The following ITGA9 variants were observed in gnomAD, a reference collection of about 807,000 sequenced individuals.
ITGA9 encodes integrin subunit alpha 9.
Under a neutral mutation model 127.8 loss-of-function variants are expected in ITGA9, and 56 were observed. The observed-to-expected ratio is 0.44, with a 90% CI of 0.35 to 0.55. The LOEUF (loss-of-function observed/expected upper bound fraction) is 0.55. Ranked by LOEUF, ITGA9 falls within the 20% of genes least tolerant of loss-of-function variation. ITGA9 has a pLI of 0.00. For synonymous variants in ITGA9, 508 were observed against 514.5 expected (o/e 0.99, Z 0.17); for missense variants, 1,196 against 1,347.1 (o/e 0.89, Z 1.76).
chr3:37,663,790 C>T (rs1009912919), intron 17 of ITGA9, among the ~76,000 whole-genome samples: 1 of 152,182 alleles, frequency 6.6e-6, no homozygotes, highest in Non-Finnish European at 1.5e-5. Context: ...AGTATCTTAC[C>T]AGCTGCATAA....
rs777429459 is a variant in ITGA9 at position 37,741,738 on chromosome 3, C to T, written c.2243C>T (p.Thr748Met). Residue 748 changes from threonine (T) to methionine (M), a missense_variant, in exon 21 of 28, where the codon ACG becomes ATG. Transcript: ENST00000264741. ...SFIVTAQSGN[T>M]ERSESLHDNT... ...CTCCTCTCTCTGCACAGTGGCAACA[C>T]GGAGCGCTCTGAATCCCTGCATGAC... is the stretch of plus-strand genomic sequence containing the variant. 39 of 1,613,300 alleles carry T rather than the reference C, an allele frequency of 2.4e-5. No individual in the cohort carries two copies. Among genetic ancestry groups the T allele is most frequent in the East Asian group, 6.7e-5 (3 of 44,876 alleles).
rs1699090890 is a variant in ITGA9, at chr3:37,526,132, C to T, written c.1373+61C>T. ...GTTCAGGGTGAGGGATGGAGCCATT[C>T]ACCATTCATGGGCTCTTTCCTCTGT... On this transcript the variant is annotated intron_variant, in intron 13 of 27. Coordinates refer to ENST00000264741, the MANE Select transcript of ITGA9 (RefSeq NM_002207.3). The T allele has an allele frequency of 2.9e-6, 4 of 1,400,736 alleles. No homozygotes were observed. The African/African-American group carries it at 4.2e-5, about 15-fold the overall frequency. 86.8% of individuals were successfully genotyped at this position (1,400,736 alleles called of 1,614,324 possible).
chr3:37,453,462 G>A (rs1232658102), intron 1 of ITGA9, among the ~76,000 whole-genome samples: 1 of 152,208 alleles, frequency 6.6e-6, no homozygotes, highest in Non-Finnish European at 1.5e-5. Context: ...AGCACTAAGG[G>A]GGGGTTGGTG....
At chr3:37,712,213 A>T (rs1162144824) in intron 18 of ITGA9, among the ~76,000 whole-genome samples, 1 of 152,214 alleles carries the variant, frequency 6.6e-6, no homozygotes, top group Non-Finnish European at 1.5e-5. Flanking sequence ...CCTCCCCCAG[A>T]TGTGGGACAC....
At chr3:37,641,933 A>G (rs1336186746) in intron 16 of ITGA9, among the ~76,000 whole-genome samples, 5 of 151,754 alleles carry the variant, frequency 3.3e-5, no homozygotes, top group African/African-American at 1.2e-4. Context: ...GTATTTCCTG[A>G]CTCAGCTGCC....
chr3:37,480,784 G>C lies in ITGA9; in HGVS notation c.421-700G>C, dbSNP rs551745071. Among the ~76,000 whole-genome samples, 6 of 152,116 alleles carry C rather than the reference G, an allele frequency of 3.9e-5. No homozygotes were observed. The South Asian group carries it at 1.2e-3, about 32-fold the overall frequency. ...GCCTGTCAGCTCTGAAGCCACCCCC[G>C]TCGCCCATCTCCACTGCCCCTCCTG... On this transcript the variant is annotated intron_variant, in intron 3 of 27. Transcript: ENST00000264741.
At chr3:37,670,833 G>A (rs1472139600) in intron 17 of ITGA9, among the ~76,000 whole-genome samples, 1 of 152,204 alleles carries the variant, frequency 6.6e-6, no homozygotes, top group African/African-American at 2.4e-5. Context: ...CATTGCTTGT[G>A]ACTATTTATG....
intron 26 of ITGA9, among the ~76,000 whole-genome samples, chr3:37,795,295 A>AT (rs1697158447): frequency 1.3e-5 from 2 of 152,134 alleles, no homozygotes; most frequent in Non-Finnish European, 2.9e-5. Flanking sequence ...ATGTACTGCC[A>AT]TTGTGATCAT....
rs1698201740 is a variant in ITGA9, at chr3:37,452,417, G to C, written c.43G>C (p.Ala15Pro). ...GCCGAGGGGCGCCGGGAGGCTCCGCGCGCTGCTGCTGGCGCTGGTGGTCGC... is the reference window on the plus strand; with the variant it reads ...GCCGAGGGGCGCCGGGAGGCTCCGCCCGCTGCTGCTGGCGCTGGTGGTCGC... Reference protein sequence around the residue: ...AAPRGAGRLRALLLALVVAGI... With the variant: ...AAPRGAGRLRPLLLALVVAGI... Residue 15 changes from alanine to proline, a missense_variant, in exon 1 of 28, where the codon GCG becomes CCG. Coordinates refer to ENST00000264741, the MANE Select transcript of ITGA9 (RefSeq NM_002207.3). This position sits in a 1 kb window ranked among gnomAD's most constrained non-coding sequence, Gnocchi z 7.3. 6.9e-7 allele frequency: 1 copy of C among 1,445,510 alleles called. No homozygotes were observed. The highest frequency in any genetic ancestry group is 1.5e-5 in the African/African-American group (1 of 66,992). The allele number at this position is 1,445,510 out of a possible 1,614,324, so 89.5% of individuals were successfully genotyped here.
chr3:37,641,378 A>G (rs938576306), intron 16 of ITGA9, among the ~76,000 whole-genome samples: 1 of 152,140 alleles, frequency 6.6e-6, no homozygotes, highest in African/African-American at 2.4e-5. Context: ...ACACTGGTCT[A>G]AGGGTTCTGG....
intron 26 of ITGA9, among the ~76,000 whole-genome samples, chr3:37,803,138 A>G (rs1319104065): frequency 1.3e-5 from 2 of 152,226 alleles, no homozygotes; most frequent in Non-Finnish European, 2.9e-5. Context: ...GAGCTGCCTT[A>G]CATGCAGAGC....
intron 8 of ITGA9, among the ~76,000 whole-genome samples, chr3:37,511,528 T>C (rs1698904728): frequency 6.6e-6 from 1 of 152,250 alleles, no homozygotes. Context: ...CCCCTGGGGC[T>C]CAGCCAGTGA....
chr3:37,488,170 G>A (rs1286116475), intron 4 of ITGA9, among the ~76,000 whole-genome samples: 3 of 152,118 alleles, frequency 2.0e-5, no homozygotes, highest in South Asian at 2.1e-4. Flanking sequence ...GGCCTCGAAC[G>A]TCTAGCCTCG....
chr3:37,744,135 T>G, intron 22 of ITGA9, 101 bp downstream of exon 22: 3 of 830,752 alleles, frequency 3.6e-6, no homozygotes, highest in Admixed American at 1.8e-5. Flanking sequence ...GAGAAACCCT[T>G]CTGTGGTTGG....
At chr3:37,552,666 C>G (rs962583361) in intron 15 of ITGA9, among the ~76,000 whole-genome samples, 18 of 152,118 alleles carry the variant, frequency 1.2e-4, no homozygotes, top group Non-Finnish European at 8.8e-5. Flanking sequence ...TGTGTGCATG[C>G]ATGTACTCCA....
At chr3:37,658,414 G>C (rs1700499020) in intron 17 of ITGA9, among the ~76,000 whole-genome samples, 1 of 152,202 alleles carries the variant, frequency 6.6e-6, no homozygotes, top group East Asian at 1.9e-4. Flanking sequence ...TCTTCTTGTT[G>C]CATGATCCCT....
At chr3:37,604,909 G>A (rs917573326) in intron 15 of ITGA9, among the ~76,000 whole-genome samples, 2 of 152,168 alleles carry the variant, frequency 1.3e-5, no homozygotes, top group Non-Finnish European at 2.9e-5. Flanking sequence ...TGTCTATCAA[G>A]TTCATTAGTT....
chr3:37,762,511 G>A (rs1291030555), intron 23 of ITGA9, among the ~76,000 whole-genome samples: 1 of 152,178 alleles, frequency 6.6e-6, no homozygotes, highest in African/African-American at 2.4e-5. Flanking sequence ...ATAACTCCTA[G>A]AGAGAATAGA....
At chr3:37,727,508 T>C (rs1222287623) in intron 18 of ITGA9, among the ~76,000 whole-genome samples, 1 of 152,248 alleles carries the variant, frequency 6.6e-6, no homozygotes, top group Non-Finnish European at 1.5e-5. Context: ...TATTTTATCC[T>C]GCATTTATTC....
Sources: allele counts gnomAD v4.1 joint callset (sites outside exome capture counted in the v4.1 genomes callset), GRCh38; gene constraint gnomAD v4.1.1; non-coding constraint Gnocchi (gnomAD v3.1); transcripts MANE v1.5; gene names NCBI Gene and HGNC (gene_info 2026-07-23, HGNC 2026-07-21).